CLCN1: variants seen among roughly 807,000 people sequenced by gnomAD.
The protein encoded by CLCN1 is chloride voltage-gated channel 1, also known as chloride channel protein 1.
CLCN1 carries 100 observed loss-of-function variants against 114.5 expected under a neutral mutation model. The ratio of observed to expected loss-of-function variants is 0.87; its 90% CI spans 0.74 to 1.03. The LOEUF (loss-of-function observed/expected upper bound fraction) is 1.03, where lower values mean the gene tolerates loss of function less well. CLCN1 is among the 50% of genes least tolerant of loss of function. The pLI is 0.00. For missense variants in CLCN1, 1,188 were observed against 1,250.0 expected, an observed-to-expected ratio of 0.95 and a Z score of 0.75; for synonymous variants, 485 against 487.1, an observed-to-expected ratio of 1.00 and a Z score of 0.06.
In CLCN1 at chr7:143,342,067, A is replaced by G; in HGVS notation, c.1721A>G (p.Gln574Arg). Residue 574 changes from glutamine to arginine, a missense_variant, in exon 15 of 23, where the codon CAG becomes CGG. Physicochemically the swap from Gln to Arg is conservative, Grantham distance 43. Transcript: ENST00000343257. ...GCCAACATGGTGGCCCAGAGCCTGC[A>G]GCCCTCTCTCTATGACAGCATCATC... ...ILANMVAQSL[Q>R]PSLYDSIIQV... 1 of 1,614,170 alleles carries G rather than the reference A, an allele frequency of 6.2e-7. No homozygotes were observed. Among genetic ancestry groups the G allele is most frequent in the South Asian group, 1.1e-5 (1 of 91,088 alleles).
intron 16 of CLCN1, among the ~76,000 whole-genome samples, chr7:143,342,871 T>G (rs1015966566): frequency 2.6e-5 from 4 of 151,866 alleles, no homozygotes; most frequent in Non-Finnish European, 4.4e-5. Context: ...AGACGGAGGT[T>G]GCGATGAGCC....
chr7:143,350,481 G>A lies in CLCN1; in HGVS notation c.2508+5G>A, dbSNP rs1401007697. On this transcript the variant is annotated splice_donor_5th_base_variant and intron_variant, in intron 21 of 22. Coordinates refer to ENST00000343257, the MANE Select transcript of CLCN1 (RefSeq NM_000083.3). This position sits in a 1 kb window ranked among gnomAD's most constrained non-coding sequence, Gnocchi z 5.1. ...GAGCAGACAACCCTGCACAAGGTGA[G>A]TCTTTTGCTGACTGCTCAGGGCTGT... is the stretch of plus-strand genomic sequence containing the variant. 6.2e-7 allele frequency: 1 copy of A among 1,612,804 alleles called. No homozygotes were observed. The highest frequency in any genetic ancestry group is 8.5e-7 in the Non-Finnish European group (1 of 1,178,760).
chr7:143,348,946 T>C (rs1803323798), intron 20 of CLCN1, among the ~76,000 whole-genome samples: 1 of 152,232 alleles, frequency 6.6e-6, no homozygotes, highest in South Asian at 2.1e-4. Context: ...TTCAACATGC[T>C]GTGCCTCTGT....
At position 143,350,780 on chromosome 7, in the gene CLCN1, C is replaced by CTT. The variant is rs35882576; in HGVS notation, c.2595+139_2595+140dup. The CTT allele has an allele frequency of 6.4e-3, 3,855 of 604,170 alleles. No homozygotes were observed. The highest frequency in any genetic ancestry group is 9.7e-3 in the East Asian group (334 of 34,384). The allele number at this position is 604,170 out of a possible 1,614,324, so 37.4% of individuals were successfully genotyped here. A position where few individuals can be genotyped will look rare whatever the true frequency, so the allele number is the denominator to read the frequency against. ...CTCAGATTCCCTTCTCTATTTCTTT[C>CTT]TTTTTTTTTTTTTTGAGACAGAGTT... On this transcript the variant is annotated intron_variant, in intron 22 of 22. Transcript: ENST00000343257. This position sits in a 1 kb window ranked among gnomAD's most constrained non-coding sequence, Gnocchi z 5.1.
At chr7:143,345,486 A>C (rs763549545) in intron 16 of CLCN1, 35 bp from the exon 17 acceptor site, 1 of 1,506,680 alleles carries the variant, frequency 6.6e-7, no homozygotes, top group Non-Finnish European at 8.9e-7. Context: ...GAGGGCTTGG[A>C]GGGGGCGCTC....
chr7:143,336,042 A>G (rs1170008755), intron 12 of CLCN1, among the ~76,000 whole-genome samples: 2 of 152,170 alleles, frequency 1.3e-5, no homozygotes, highest in Non-Finnish European at 2.9e-5. Context: ...TACATTATAC[A>G]TCAAGAGAAG....
At chr7:143,332,372 A>T in intron 10 of CLCN1, 47 bp from the exon 11 acceptor site, 1 of 1,394,742 alleles carries the variant, frequency 7.2e-7, no homozygotes, top group African/African-American at 1.4e-5. Context: ...TATGGTATTT[A>T]CTGTGAGTTG....
intron 12 of CLCN1, among the ~76,000 whole-genome samples, chr7:143,338,507 C>G (rs553910157): frequency 6.6e-6 from 1 of 152,074 alleles, no homozygotes; most frequent in Non-Finnish European, 1.5e-5. Flanking sequence ...GCTCCTTGGC[C>G]GGGCGCATCG....
intron 9 of CLCN1, 82 bp downstream of exon 9, chr7:143,331,398 AAGGT>A: frequency 8.2e-7 from 1 of 1,214,310 alleles, no homozygotes; most frequent in Non-Finnish European, 1.2e-6. Flanking sequence ...AGCTAGAAAG[AAGGT>A]GCGGTTGGCA....
At chr7:143,344,204 T>G (rs1306805609) in intron 16 of CLCN1, among the ~76,000 whole-genome samples, 1 of 152,238 alleles carries the variant, frequency 6.6e-6, no homozygotes, top group African/African-American at 2.4e-5. Context: ...TTCTCTGCCT[T>G]CACCATCATT....
intron 9 of CLCN1, 66 bp downstream of exon 9, chr7:143,331,382 G>T: frequency 1.5e-6 from 2 of 1,296,262 alleles, no homozygotes; most frequent in South Asian, 1.2e-5. Context: ...GATTGGAAGG[G>T]ACCCAAGCTA....
At position 143,339,794 on chromosome 7, in the gene CLCN1, T is replaced by A. The variant is rs1803030568; in HGVS notation, c.1582+173T>A. On this transcript the variant is annotated intron_variant, in intron 14 of 22. Coordinates refer to ENST00000343257, the MANE Select transcript of CLCN1 (RefSeq NM_000083.3). This position sits in a 1 kb window ranked among gnomAD's most constrained non-coding sequence, Gnocchi z 4.1. ...CCATGGCTCTGACTCTCATTATTTC[T>A]TACTGAACTTCCGTGAGCCTTAGTT... Among the ~76,000 whole-genome samples, 2 of 152,232 alleles carry A rather than the reference T, an allele frequency of 1.3e-5. No individual in the cohort carries two copies. The highest frequency in any genetic ancestry group is 4.1e-4 in the South Asian group (2 of 4,834).
At chr7:143,349,221 A>G (rs868011694) in intron 20 of CLCN1, among the ~76,000 whole-genome samples, 2 of 152,224 alleles carry the variant, frequency 1.3e-5, no homozygotes, top group Non-Finnish European at 2.9e-5. Context: ...CTTCTCTACA[A>G]CACACCTGCT....
chr7:143,346,133 C>T lies in CLCN1; in HGVS notation c.2173-7C>T, dbSNP rs1462132187. The T allele has an allele frequency of 1.3e-6, 2 of 1,567,430 alleles. No individual in the cohort carries two copies. Among genetic ancestry groups the T allele is most frequent in the Middle Eastern group, 1.7e-4 (1 of 5,962 alleles). ...CCCAGGCTGAGACTTCTTACTCTTC[C>T]TTACAGCTTCCTCCTTCCCTTGCTC... On this transcript the variant is annotated splice_region_variant and splice_polypyrimidine_tract_variant and intron_variant, in intron 17 of 22. Transcript: ENST00000343257.
At position 143,345,671 on chromosome 7, in the gene CLCN1, G is replaced by T; in HGVS notation, c.2081G>T (p.Gly694Val). The T allele has an allele frequency of 6.4e-7, 1 of 1,564,234 alleles. No individual in the cohort carries two copies. Among genetic ancestry groups the T allele is most frequent in the Non-Finnish European group, 8.7e-7 (1 of 1,155,232 alleles). Reference protein sequence around the residue: ...LPYDGKARLAGEGLPGAPPGR... With the variant: ...LPYDGKARLAVEGLPGAPPGR... Reference sequence around the variant, plus strand: ...TACGACGGGAAGGCGCGGCTGGCTGGGGAGGGGCTCCCCGGCGCGCCTCCA... The same window carrying T: ...TACGACGGGAAGGCGCGGCTGGCTGTGGAGGGGCTCCCCGGCGCGCCTCCA... Residue 694 changes from glycine to valine, a missense_variant, in exon 17 of 23, where the codon GGG (glycine) becomes GTG (valine). Coordinates refer to ENST00000343257, the MANE Select transcript of CLCN1 (RefSeq NM_000083.3).
chr7:143,344,751 G>GT (rs11370140), intron 16 of CLCN1, among the ~76,000 whole-genome samples: 85,662 of 131,284 alleles, frequency 0.65, 28,027 homozygotes, highest in East Asian at 0.78. Flanking sequence ...TCCTAGCAGG[G>GT]TTTTTTTTTT....
chr7:143,342,625 A>C, intron 16 of CLCN1, 120 bp downstream of exon 16: 1 of 992,326 alleles, frequency 1.0e-6, no homozygotes, highest in Non-Finnish European at 1.6e-6. Context: ...TGCTATGTAC[A>C]AGGAAGGAAA....
Position 143,324,386 on chromosome 7 carries a change from G to A in CLCN1, c.775-28G>A, listed in dbSNP as rs372820685. On this transcript the variant is annotated intron_variant, in intron 6 of 22. Transcript: ENST00000343257. The surrounding 1 kb of genome is among the most constrained non-coding windows in gnomAD (Gnocchi z 4.6). The stretch of plus-strand genomic sequence containing the variant: ...CTGCCCACCTCCCTCTCTTCCACCT[G>A]TTTCTCTGTCTGTCTCTCCCCTAGT... The A allele has an allele frequency of 3.2e-6, 5 of 1,576,496 alleles. No individual in the cohort carries two copies. In the Middle Eastern group the frequency reaches 5.4e-4, roughly 169 times the overall value.
chr7:143,332,693 A>AACCC (rs757956280), intron 11 of CLCN1, 31 bp from the exon 12 acceptor site: 144 of 1,613,294 alleles, frequency 8.9e-5, no homozygotes, highest in Non-Finnish European at 1.1e-4. Flanking sequence ...TTCCCTGGAG[A>AACCC]ACCCACCCTT....
Sources: gnomAD v4.1 joint callset for allele counts (sites outside exome capture counted in the v4.1 genomes callset) on GRCh38, gnomAD v4.1.1 for gene constraint, Gnocchi (gnomAD v3.1) non-coding constraint, MANE v1.5 for transcripts, NCBI Gene and HGNC (gene_info 2026-07-23, HGNC 2026-07-21) for gene names.